SEC24B: variants seen among roughly 807,000 people sequenced by gnomAD.
The protein encoded by SEC24B is SEC24 homolog B, COPII component.
Under a neutral mutation model 142.8 loss-of-function variants are expected in SEC24B, and 45 were observed. The observed-to-expected ratio is 0.32, with a 90% CI of 0.25 to 0.40. The LOEUF is 0.40. Ranked by LOEUF, SEC24B falls within the 10% of genes least tolerant of loss-of-function variation. The pLI is 1.00. For missense variants in SEC24B, 1,409 were observed against 1,526.8 expected, an observed-to-expected ratio of 0.92 and a Z score of 1.29; for synonymous variants, 574 against 568.2, an observed-to-expected ratio of 1.01 and a Z score of -0.15.
chr4:109,434,125 C>A (rs1728142292), intron 1 of SEC24B, 123 bp downstream of exon 1: 3 of 632,168 alleles, frequency 4.7e-6, no homozygotes, highest in Non-Finnish European at 5.9e-6. Flanking sequence ...GCCCGAGGGA[C>A]GGGAGCGGGC....
At chr4:109,472,962 A>G (rs1732682216) in intron 2 of SEC24B, 42 bp from the exon 3 acceptor site, 1 of 1,096,622 alleles carries the variant, frequency 9.1e-7, no homozygotes, top group South Asian at 2.1e-5. Context: ...ATATATTAAT[A>G]TATTTCAAGT....
At chr4:109,456,501 C>T (rs1028282376) in intron 1 of SEC24B, among the ~76,000 whole-genome samples, 1 of 151,958 alleles carries the variant, frequency 6.6e-6, no homozygotes, top group African/African-American at 2.4e-5. Context: ...GTCTGTCTGT[C>T]CCTTACCATT....
chr4:109,495,156 T>A (rs1017637230), intron 6 of SEC24B, among the ~76,000 whole-genome samples: 1 of 152,218 alleles, frequency 6.6e-6, no homozygotes, highest in African/African-American at 2.4e-5. Flanking sequence ...AAGTATTAAT[T>A]TTATAATCAG....
chr4:109,499,306 G>T (rs1294258752), intron 6 of SEC24B, among the ~76,000 whole-genome samples: 1 of 152,088 alleles, frequency 6.6e-6, no homozygotes, highest in Non-Finnish European at 1.5e-5. Context: ...ATCATTTTGG[G>T]ACTTGTATGT....
chr4:109,486,257 A>T (rs1734340931), intron 4 of SEC24B, among the ~76,000 whole-genome samples: 1 of 152,168 alleles, frequency 6.6e-6, no homozygotes, highest in Admixed American at 6.5e-5. Context: ...ACTGTTAGGG[A>T]GTGGACATGG....
intron 1 of SEC24B, among the ~76,000 whole-genome samples, chr4:109,436,606 G>A (rs547620693): frequency 1.3e-4 from 20 of 152,294 alleles, no homozygotes; most frequent in African/African-American, 4.8e-4. Flanking sequence ...CTCATAAGGA[G>A]TCTTTTGATC....
At chr4:109,490,857 A>C (rs1187196827) in intron 4 of SEC24B, among the ~76,000 whole-genome samples, 2 of 152,296 alleles carry the variant, frequency 1.3e-5, no homozygotes, top group African/African-American at 4.8e-5. Context: ...TAGCAACCTA[A>C]GCCACAGACT....
chr4:109,446,251 A>G (rs1012375796), intron 1 of SEC24B, among the ~76,000 whole-genome samples: 18 of 152,220 alleles, frequency 1.2e-4, no homozygotes, highest in African/African-American at 3.9e-4. Flanking sequence ...AGAGAGACAC[A>G]GGACAAGTCA....
chr4:109,476,516 A>G (rs147740732), intron 3 of SEC24B, among the ~76,000 whole-genome samples: 5 of 126,198 alleles, frequency 4.0e-5, no homozygotes, highest in African/African-American at 2.9e-4. Flanking sequence ...CATACATATA[A>G]TTGCTGAGAA....
rs148832883 is a variant in SEC24B, at chr4:109,438,107, G to C, written c.133+4105G>C. ...TACAGATGAAATGAAGATTCAGAAA[G>C]GTTAAGTAGGTACATTTTCTACCAA... On this transcript the variant is annotated intron_variant, in intron 1 of 23. Coordinates refer to ENST00000265175, the MANE Select transcript of SEC24B (RefSeq NM_006323.5). 1.2e-4 allele frequency among the ~76,000 whole-genome samples: 19 copies of C among 152,250 alleles called. No homozygotes were observed. In the East Asian group the frequency reaches 3.3e-3, roughly 26 times the overall value.
intron 4 of SEC24B, among the ~76,000 whole-genome samples, chr4:109,490,616 G>A (rs1233118354): frequency 6.6e-6 from 1 of 152,052 alleles, no homozygotes; most frequent in Non-Finnish European, 1.5e-5. Context: ...GAAGTATATT[G>A]CTTGTTCTTT....
intron 6 of SEC24B, among the ~76,000 whole-genome samples, chr4:109,495,591 T>C (rs1401582313): frequency 6.6e-6 from 1 of 152,196 alleles, no homozygotes. Context: ...CTTATTTACC[T>C]AGGGCTCGCA....
intron 1 of SEC24B, among the ~76,000 whole-genome samples, chr4:109,437,443 C>G (rs878868601): frequency 3.9e-5 from 6 of 152,138 alleles, no homozygotes; most frequent in Admixed American, 3.9e-4. Flanking sequence ...ACTACCACTC[C>G]TGGCTAATTA....
intron 3 of SEC24B, among the ~76,000 whole-genome samples, chr4:109,474,809 C>T (rs1732928210): frequency 6.6e-6 from 1 of 152,132 alleles, no homozygotes; most frequent in Non-Finnish European, 1.5e-5. Context: ...ATGGTTTGCC[C>T]ACTAAACAAT....
In SEC24B at chr4:109,521,441, GCA is replaced by G; in HGVS notation, c.2324_2325del (p.Ala775ValfsTer24). On this transcript the variant is annotated frameshift_variant, in exon 14 of 24. Transcript: ENST00000265175. LOFTEE classifies it high-confidence loss of function. ...SKELIKDLLN[A>X]LPNMFTNTRE... ...TCAGCTTATAAAAGACTTACTGAAT[GCA>G]TTACCAAACATGTTCACCAATACAA... 1 of 1,613,824 alleles carries G rather than the reference GCA, an allele frequency of 6.2e-7. No homozygotes were observed. Among genetic ancestry groups the G allele is most frequent in the Non-Finnish European group, 8.5e-7 (1 of 1,179,832 alleles).
intron 2 of SEC24B, among the ~76,000 whole-genome samples, chr4:109,472,149 G>T (rs1732584101): frequency 6.6e-6 from 1 of 152,128 alleles, no homozygotes; most frequent in East Asian, 1.9e-4. Flanking sequence ...TCAGAACTAA[G>T]GTTGTTTACA....
At position 109,526,330 on chromosome 4, in the gene SEC24B, A is replaced by G. The variant is rs751034627; in HGVS notation, c.2896A>G (p.Ile966Val). ...TGCTGGATTTGCGGTGCAGTTGTCA[A>G]TTGAAGAAAGTTTAACAGATACTTC... ...PDAGFAVQLS[I>V]EESLTDTSLV... The change falls in exon 17 of 24, where the codon ATT (isoleucine) becomes GTT (valine). Residue 966 changes from isoleucine to valine, a missense_variant. Ile to Val is a conservative substitution (Grantham distance 29). Transcript: ENST00000265175. The G allele has an allele frequency of 7.1e-5, 114 of 1,613,844 alleles. No homozygotes were observed. The highest frequency in any genetic ancestry group is 7.7e-5 in the Non-Finnish European group (91 of 1,179,930).
In SEC24B at chr4:109,482,979, T is replaced by TATATATACACACACACAC. The variant is rs781527364; in HGVS notation, c.1165+1199_1165+1200insTATATACACACACACACA. ...ATATATATATATATATATATATATA[T>TATATATACACACACACAC]ACACACACACACACACACACACACA... On this transcript the variant is annotated intron_variant, in intron 4 of 23. Transcript: ENST00000265175. Among the ~76,000 whole-genome samples the TATATATACACACACACAC allele has an allele frequency of 1.5e-4, 4 of 26,412 alleles. 1 individual carries two copies. The highest frequency in any genetic ancestry group is 1.7e-3 in the South Asian group (1 of 582). 17.3% of individuals were successfully genotyped at this position (26,412 alleles called of 152,430 possible).
intron 6 of SEC24B, among the ~76,000 whole-genome samples, chr4:109,496,858 G>A (rs1735591519): frequency 6.6e-6 from 1 of 151,830 alleles, no homozygotes; most frequent in South Asian, 2.1e-4. Context: ...TGACTCTTGT[G>A]CTTTTAGGCA....
Sources: allele counts gnomAD v4.1 joint callset (sites outside exome capture counted in the v4.1 genomes callset), GRCh38; gene constraint gnomAD v4.1.1; transcripts MANE v1.5; gene names NCBI Gene and HGNC (gene_info 2026-07-23, HGNC 2026-07-21).